CSMD1: variants seen among roughly 807,000 people sequenced by gnomAD.
CSMD1 encodes CUB and sushi domain-containing protein 1.
Under a neutral mutation model 417.5 loss-of-function variants are expected in CSMD1, and 213 were observed. The ratio of observed to expected loss-of-function variants is 0.51; its 90% CI spans 0.46 to 0.57. CSMD1 has a LOEUF of 0.57. Ranked by LOEUF, CSMD1 falls within the 20% of genes least tolerant of loss-of-function variation. The pLI is 0.00. For synonymous variants in CSMD1, 2,862 were observed against 1,736.8 expected (o/e 1.65, Z -16.11); for missense variants, 6,923 against 4,529.7 (o/e 1.53, Z -15.17).
At chr8:3,237,008 G>T (rs73660623) in intron 26 of CSMD1, among the ~76,000 whole-genome samples, 1 of 152,016 alleles carries the variant, frequency 6.6e-6, no homozygotes, top group African/African-American at 2.4e-5. Flanking sequence ...AGCCATGCCA[G>T]TCAGCTTGAG....
chr8:4,784,571 T>G (rs1797306674), intron 1 of CSMD1, among the ~76,000 whole-genome samples: 1 of 152,254 alleles, frequency 6.6e-6, no homozygotes, highest in South Asian at 2.1e-4. Flanking sequence ...TGACACAATT[T>G]GTTTCCTTTA....
intron 10 of CSMD1, among the ~76,000 whole-genome samples, chr8:3,498,933 G>A (rs1023792671): frequency 5.3e-5 from 8 of 152,142 alleles, no homozygotes; most frequent in African/African-American, 1.9e-4. Context: ...TTATTCTACT[G>A]ATTCTCACGG....
chr8:4,741,229 T>C (rs1033796077), intron 1 of CSMD1, among the ~76,000 whole-genome samples: 1 of 152,184 alleles, frequency 6.6e-6, no homozygotes, highest in African/African-American at 2.4e-5. Flanking sequence ...TGCAGTTCAC[T>C]TAACTTTTAC....
At chr8:4,092,757 C>G (rs982849053) in intron 3 of CSMD1, among the ~76,000 whole-genome samples, 7 of 151,938 alleles carry the variant, frequency 4.6e-5, no homozygotes, top group Non-Finnish European at 8.8e-5. Flanking sequence ...TTAAATATAA[C>G]TTTTATTCCT....
chr8:4,923,540 A>ATG (rs1806642841), intron 1 of CSMD1, among the ~76,000 whole-genome samples: 1 of 152,030 alleles, frequency 6.6e-6, no homozygotes, highest in African/African-American at 2.4e-5. Flanking sequence ...ATATATATAT[A>ATG]CTATGTGCCC....
chr8:3,464,077 T>C (rs76068033), intron 12 of CSMD1, among the ~76,000 whole-genome samples: 1,731 of 152,308 alleles, frequency 0.011, 32 homozygotes, highest in African/African-American at 0.039. Context: ...GTTTTGACTA[T>C]ACAGCAGCAC....
chr8:3,982,569 G>T (rs73658519), intron 5 of CSMD1, among the ~76,000 whole-genome samples: 2 of 151,818 alleles, frequency 1.3e-5, no homozygotes, highest in Non-Finnish European at 2.9e-5. Context: ...AGAATTATGC[G>T]CCTAGTCATT....
chr8:3,494,658 A>T (rs1796292557), intron 10 of CSMD1, among the ~76,000 whole-genome samples: 1 of 150,358 alleles, frequency 6.7e-6, no homozygotes, highest in Non-Finnish European at 1.5e-5. Context: ...GGGTGGATGG[A>T]AAAATGACAG....
rs189309308 is a variant in CSMD1 at position 4,002,517 on chromosome 8, G to A, written c.611-4407C>T. On this transcript the variant is annotated intron_variant, in intron 4 of 69. Transcript: ENST00000635120. ...CAATTTTATAAATAATGCCACAGAG[G>A]AAACAGTTTTCAAAGCCCATTTCGA... Among the ~76,000 whole-genome samples, 158 of 152,184 alleles carry A rather than the reference G, an allele frequency of 1.0e-3. 3 individuals carry two copies. Among genetic ancestry groups the A allele is most frequent in the Admixed American group, 4.4e-3 (67 of 15,274 alleles).
chr8:4,663,494 C>T (rs192386650), intron 1 of CSMD1, among the ~76,000 whole-genome samples: 16 of 152,196 alleles, frequency 1.1e-4, no homozygotes, highest in African/African-American at 3.6e-4. Context: ...GAATCATGGG[C>T]ACAGATATTC....
intron 10 of CSMD1, among the ~76,000 whole-genome samples, chr8:3,514,785 T>C (rs993608517): frequency 5.3e-5 from 8 of 152,182 alleles, no homozygotes; most frequent in African/African-American, 1.7e-4. Context: ...GATCCTTTAG[T>C]GATTAAACTG....
rs188127624 is a variant in CSMD1 at position 4,233,841 on chromosome 8, G to C, written c.415+186112C>G. 4.0e-3 allele frequency among the ~76,000 whole-genome samples: 615 copies of C among 152,144 alleles called. 7 individuals carry two copies. Among genetic ancestry groups the C allele is most frequent in the Admixed American group, 0.03 (455 of 15,278 alleles). ...CATTTGAGTTGGTTAATTATTATTT[G>C]GCCATATATAAAGAATCTAATCCTG... On this transcript the variant is annotated intron_variant, in intron 3 of 69. Coordinates refer to ENST00000635120, the MANE Select transcript of CSMD1 (RefSeq NM_033225.6).
chr8:3,687,536 G>A (rs1242298048), intron 7 of CSMD1, among the ~76,000 whole-genome samples: 1 of 152,180 alleles, frequency 6.6e-6, no homozygotes, highest in East Asian at 1.9e-4. Context: ...TTTTCTTCCA[G>A]ATATTCTCTG....
chr8:3,902,888 C>G (rs1038345538), intron 5 of CSMD1, among the ~76,000 whole-genome samples: 1 of 152,130 alleles, frequency 6.6e-6, no homozygotes, highest in Admixed American at 6.5e-5. Flanking sequence ...CATCTAACAG[C>G]CATTGATCAT....
chr8:3,256,179 T>C (rs1183115286), intron 26 of CSMD1, among the ~76,000 whole-genome samples: 1 of 151,676 alleles, frequency 6.6e-6, no homozygotes, highest in East Asian at 1.9e-4. Flanking sequence ...AATATAAAAA[T>C]TAGCTGGGCG....
chr8:4,297,955 G>C (rs1448850785), intron 3 of CSMD1, among the ~76,000 whole-genome samples: 1 of 152,108 alleles, frequency 6.6e-6, no homozygotes, highest in Non-Finnish European at 1.5e-5. Flanking sequence ...CTAGGTGACG[G>C]ATTACCTGAA....
chr8:3,285,108 A>C (rs1803047881), intron 25 of CSMD1, among the ~76,000 whole-genome samples: 1 of 152,170 alleles, frequency 6.6e-6, no homozygotes, highest in African/African-American at 2.4e-5. Context: ...AGCAGCCCTG[A>C]ATGGGTCTGA....
At chr8:3,049,346 C>T (rs11986000) in intron 50 of CSMD1, among the ~76,000 whole-genome samples, 2 of 151,912 alleles carry the variant, frequency 1.3e-5, no homozygotes, top group Admixed American at 6.6e-5. Flanking sequence ...GTTGTCTGTA[C>T]GTAAACGGGT....
intron 7 of CSMD1, among the ~76,000 whole-genome samples, chr8:3,638,983 G>C (rs1046379927): frequency 8.5e-5 from 13 of 152,224 alleles, no homozygotes; most frequent in Admixed American, 2.6e-4. Flanking sequence ...GAGAAAGGCA[G>C]TGTTGCATTC....
Sources: gnomAD v4.1 joint callset for allele counts (sites outside exome capture counted in the v4.1 genomes callset) on GRCh38, gnomAD v4.1.1 for gene constraint, MANE v1.5 for transcripts, NCBI Gene and HGNC (gene_info 2026-07-23, HGNC 2026-07-21) for gene names.